SOX5: variants seen among roughly 807,000 people sequenced by gnomAD.
SOX5 encodes transcription factor SOX-5.
A neutral mutation model predicts 92.0 loss-of-function variants in SOX5; 9 were observed. The observed-to-expected ratio is 0.10, with a 90% CI of 0.06 to 0.17. SOX5 has a LOEUF of 0.17. Ranked by LOEUF, SOX5 falls within the 10% of genes least tolerant of loss-of-function variation. SOX5 has a pLI of 1.00. For synonymous variants in SOX5, 344 were observed against 336.3 expected, an observed-to-expected ratio of 1.02 and a Z score of -0.25; for missense variants, 642 against 944.5, an observed-to-expected ratio of 0.68 and a Z score of 4.20.
intron 1 of SOX5, among the ~76,000 whole-genome samples, chr12:24,470,820 A>G (rs1432117861): frequency 6.6e-6 from 1 of 152,192 alleles, no homozygotes. Flanking sequence ...AAAAATGAGT[A>G]TAGGAAAGTC....
At chr12:24,135,277 A>G (rs1950015258) in intron 4 of SOX5, among the ~76,000 whole-genome samples, 2 of 152,206 alleles carry the variant, frequency 1.3e-5, no homozygotes, top group African/African-American at 4.8e-5. Flanking sequence ...CAACCAATCC[A>G]AAACGGATCC....
intron 3 of SOX5, among the ~76,000 whole-genome samples, chr12:24,249,979 A>G (rs1939699513): frequency 6.6e-6 from 1 of 152,194 alleles, no homozygotes; most frequent in African/African-American, 2.4e-5. Flanking sequence ...GCTTTGAAAG[A>G]TAGGGAAGCA....
intron 6 of SOX5, among the ~76,000 whole-genome samples, chr12:23,705,999 C>T (rs2091342555): frequency 6.6e-6 from 1 of 151,532 alleles, no homozygotes; most frequent in Non-Finnish European, 1.5e-5. Context: ...TAAAGTAATG[C>T]TTTATGCATC....
intron 4 of SOX5, among the ~76,000 whole-genome samples, chr12:24,018,337 AAT>A (rs1208326461): frequency 6.6e-6 from 1 of 152,230 alleles, no homozygotes; most frequent in Non-Finnish European, 1.5e-5. Context: ...TAAACAGCTG[AAT>A]ATATTTTAGG....
intron 2 of SOX5, among the ~76,000 whole-genome samples, chr12:24,282,393 T>C (rs1190751515): frequency 2.0e-5 from 3 of 150,712 alleles, no homozygotes; most frequent in African/African-American, 7.3e-5. Flanking sequence ...AAAAAATAAA[T>C]AAATAAAAAT....
At chr12:23,745,693 C>T (rs1442295805) in intron 4 of SOX5, among the ~76,000 whole-genome samples, 1 of 152,192 alleles carries the variant, frequency 6.6e-6, no homozygotes, top group East Asian at 1.9e-4. Flanking sequence ...CCAGCTCATG[C>T]ATCTTGTTTT....
chr12:23,792,622 C>CAAAAAA lies in SOX5; in HGVS notation c.482-36904_482-36899dup, dbSNP rs749845598. Among the ~76,000 whole-genome samples, 92 of 38,966 alleles carry CAAAAAA rather than the reference C, an allele frequency of 2.4e-3. 14 individuals are homozygous for CAAAAAA. The highest frequency in any genetic ancestry group is 0.011 in the East Asian group (9 of 808). 25.6% of individuals were successfully genotyped at this position (38,966 alleles called of 152,430 possible). A position where few individuals can be genotyped will look rare whatever the true frequency, so the allele number is the denominator to read the frequency against. On this transcript the variant is annotated intron_variant, in intron 3 of 14. Coordinates refer to ENST00000451604, the MANE Select transcript of SOX5 (RefSeq NM_006940.6). ...TGGGCAATAGAGTGAGGCTCTGTCTCAAAAAAAAAAAAAAAAAAAAAAAAA... is the reference window on the plus strand; with the variant it reads ...TGGGCAATAGAGTGAGGCTCTGTCTCAAAAAAAAAAAAAAAAAAAAAAAAAAAAAAA...
intron 2 of SOX5, among the ~76,000 whole-genome samples, chr12:24,310,189 G>C (rs1428293889): frequency 6.6e-6 from 1 of 152,118 alleles, no homozygotes; most frequent in Non-Finnish European, 1.5e-5. Context: ...GGCCTAAAAG[G>C]ATTTAAGAGT....
intron 1 of SOX5, among the ~76,000 whole-genome samples, chr12:24,420,846 A>G (rs1475215361): frequency 6.6e-6 from 1 of 152,202 alleles, no homozygotes; most frequent in Non-Finnish European, 1.5e-5. Context: ...AACTTATCTG[A>G]TCAACTCTCT....
At chr12:23,961,703 C>A (rs1306129451) in intron 4 of SOX5, among the ~76,000 whole-genome samples, 2 of 152,148 alleles carry the variant, frequency 1.3e-5, no homozygotes, top group Non-Finnish European at 2.9e-5. Flanking sequence ...ATAAATGCTT[C>A]TTTTTCATTA....
chr12:24,491,465 C>CA (rs370086059), intron 1 of SOX5, among the ~76,000 whole-genome samples: 180 of 141,032 alleles, frequency 1.3e-3, no homozygotes, highest in Middle Eastern at 3.7e-3. Flanking sequence ...AGTGTTTGGT[C>CA]AAAAAAAAAA....
chr12:24,100,776 A>G (rs1210242987), intron 4 of SOX5, among the ~76,000 whole-genome samples: 1 of 152,110 alleles, frequency 6.6e-6, no homozygotes, highest in African/African-American at 2.4e-5. Context: ...GATTTTCTCA[A>G]ATCTGGACTT....
At chr12:23,603,061 A>C (rs1382931888) in intron 9 of SOX5, among the ~76,000 whole-genome samples, 1 of 152,042 alleles carries the variant, frequency 6.6e-6, no homozygotes, top group East Asian at 1.9e-4. Context: ...AGCATGGTCT[A>C]AGGTCCTTGT....
rs374066317 is a variant in SOX5 at position 23,815,989 on chromosome 12, T to C, written c.481+29994A>G. ...GCATGGCTGTGTTCCAATAAAACTT[T>C]ATTTATAGGCACAAATTTGAATTTC... On this transcript the variant is annotated intron_variant, in intron 3 of 14. Transcript: ENST00000451604. 1.1e-4 allele frequency among the ~76,000 whole-genome samples: 16 copies of C among 152,338 alleles called. No individual in the cohort carries two copies. The East Asian group carries it at 2.9e-3, about 28-fold the overall frequency.
At chr12:24,435,814 A>G (rs536195010) in intron 1 of SOX5, among the ~76,000 whole-genome samples, 1 of 152,316 alleles carries the variant, frequency 6.6e-6, no homozygotes, top group East Asian at 1.9e-4. Context: ...CTCTGCGTCA[A>G]ACAAATATAT....
chr12:24,164,895 T>G (rs1953211909), intron 4 of SOX5, among the ~76,000 whole-genome samples: 1 of 152,082 alleles, frequency 6.6e-6, no homozygotes, highest in Non-Finnish European at 1.5e-5. Flanking sequence ...AATGGCAATT[T>G]GTTCTCATTA....
chr12:24,117,888 C>A (rs185223474), intron 4 of SOX5, among the ~76,000 whole-genome samples: 7 of 151,552 alleles, frequency 4.6e-5, no homozygotes, highest in Non-Finnish European at 7.4e-5. Flanking sequence ...GGCGTGATGG[C>A]GGGCACCTGT....
chr12:23,749,377 T>TGATGTTTATGATGTTTTAC (rs2094111730), intron 4 of SOX5, among the ~76,000 whole-genome samples: 2 of 151,962 alleles, frequency 1.3e-5, no homozygotes, highest in South Asian at 4.1e-4. Context: ...CCTTTTTAAA[T>TGATGTTTATGATGTTTTAC]ATGTTTATGA....
At chr12:24,177,688 A>T (rs1353869156) in intron 4 of SOX5, among the ~76,000 whole-genome samples, 2 of 152,166 alleles carry the variant, frequency 1.3e-5, no homozygotes, top group Non-Finnish European at 2.9e-5. Flanking sequence ...TTTTAGCTTG[A>T]GAGCTAAACA....
Sources: gnomAD v4.1 joint callset for allele counts (sites outside exome capture counted in the v4.1 genomes callset) on GRCh38, gnomAD v4.1.1 for gene constraint, MANE v1.5 for transcripts, NCBI Gene and HGNC (gene_info 2026-07-23, HGNC 2026-07-21) for gene names.